The following ZNF487 variants were observed in gnomAD, a reference collection of about 807,000 sequenced individuals.
ZNF487 encodes the protein KRAB domain only 1.
In ZNF487, 4 loss-of-function variants were observed where a neutral mutation model predicts 3.0. The observed-to-expected ratio is 1.35, with a 90% CI of 0.66 to 3.08. The LOEUF is 3.08. ZNF487 is among the 30% of genes most tolerant of loss of function. ZNF487 has a pLI of 0.01. For missense variants in ZNF487, 146 were observed against 98.7 expected, an observed-to-expected ratio of 1.48 and a Z score of -2.03; for synonymous variants, 55 against 34.6, an observed-to-expected ratio of 1.59 and a Z score of -2.06.
chr10:43,487,929 C>CAAAAAAAAAAAAAAAAAAAAAAAA (rs76705594), downstream of ZNF487, among the ~76,000 whole-genome samples: 1 of 40,446 alleles, frequency 2.5e-5, no homozygotes, highest in African/African-American at 9.5e-5. Flanking sequence ...TACCAAAATA[C>CAAAAAAAAAAAAAAAAAAAAAAAA]AAAAAAAAAA....
intron 1 of ZNF487, among the ~76,000 whole-genome samples, chr10:43,472,423 A>G (rs1286105809): frequency 6.6e-6 from 1 of 152,108 alleles, no homozygotes; most frequent in Non-Finnish European, 1.5e-5. Context: ...TCTGGGGCAT[A>G]CATCCAGAAT....
chr10:43,521,114 A>C, the ZNF487 span, among the ~76,000 whole-genome samples: 1 of 152,182 alleles, frequency 6.6e-6, no homozygotes, highest in Non-Finnish European at 1.5e-5. Flanking sequence ...CATGGTATTC[A>C]TGTTCTGGAA....
the ZNF487 span, among the ~76,000 whole-genome samples, chr10:43,492,086 G>A: frequency 4.0e-5 from 6 of 151,558 alleles, no homozygotes; most frequent in Non-Finnish European, 2.9e-5. Context: ...CAGCCACCAC[G>A]CTGCCACATC....
At position 43,455,745 on chromosome 10, in the gene ZNF487, G is replaced by A. The variant is rs545963079; in HGVS notation, c.-94+18483G>A. On this transcript the variant is annotated intron_variant, in intron 1 of 3. Transcript: ENST00000437590. ...GGTCAAAGAGCACGCCGAGCCCGCC[G>A]GAGGGCGGGGCCGCGGCCTTGGCCC... Among the ~76,000 whole-genome samples the A allele has an allele frequency of 9.8e-5, 15 of 152,370 alleles. No homozygotes were observed. In the East Asian group the frequency reaches 2.5e-3, roughly 25 times the overall value.
chr10:43,495,730 A>G, the ZNF487 span, among the ~76,000 whole-genome samples: 1 of 152,184 alleles, frequency 6.6e-6, no homozygotes, highest in Non-Finnish European at 1.5e-5. Context: ...CTTTGAGAGC[A>G]GTGTTTTAAA....
chr10:43,447,061 C>T (rs1298203442), intron 1 of ZNF487, among the ~76,000 whole-genome samples: 3 of 151,266 alleles, frequency 2.0e-5, no homozygotes, highest in Non-Finnish European at 4.4e-5. Context: ...TGGCAGCGTG[C>T]CCCTACAATC....
chr10:43,514,862 T>A, the ZNF487 span, among the ~76,000 whole-genome samples: 2 of 152,134 alleles, frequency 1.3e-5, no homozygotes, highest in African/African-American at 4.8e-5. Context: ...TTCTGGGCCC[T>A]CCCAGCTGGG....
At chr10:43,453,415 T>C (rs1228122780) in intron 1 of ZNF487, 1 of 152,200 alleles carries the variant, frequency 6.6e-6, no homozygotes, top group Non-Finnish European at 1.5e-5. Flanking sequence ...AATAGTAAGT[T>C]ATCCTGGCAG....
the ZNF487 span, among the ~76,000 whole-genome samples, chr10:43,522,981 C>T: frequency 0.68 from 103,608 of 152,062 alleles, 35,665 homozygotes; most frequent in East Asian, 1. Flanking sequence ...ATACCATTTG[C>T]TGTATTTGTT....
chr10:43,489,525 T>C, the ZNF487 span, among the ~76,000 whole-genome samples: 2 of 152,110 alleles, frequency 1.3e-5, no homozygotes, highest in Non-Finnish European at 2.9e-5. Context: ...GGCTAATTTT[T>C]GTATTTTTAG....
intron 1 of ZNF487, among the ~76,000 whole-genome samples, chr10:43,468,024 TG>T (rs1358855861): frequency 1.8e-4 from 27 of 152,230 alleles, no homozygotes; most frequent in African/African-American, 6.3e-4. Flanking sequence ...CCAACCCTTA[TG>T]GATGACTTTG....
In ZNF487 at chr10:43,475,994, A is replaced by G. The variant is rs550109745; in HGVS notation, c.35-113A>G. On this transcript the variant is annotated intron_variant, in intron 2 of 3. Transcript: ENST00000437590. ...TGATCCCTTCTGGGCACTGTAAAGA[A>G]TATCTGTGGTGTTTTCTGTAATGAA... 30 of 668,612 alleles carry G rather than the reference A, an allele frequency of 4.5e-5. 1 individual carries two copies. In the South Asian group the frequency reaches 5.0e-4, roughly 11 times the overall value. 41.4% of individuals were successfully genotyped at this position (668,612 alleles called of 1,614,324 possible). A position where few individuals can be genotyped will look rare whatever the true frequency, so the allele number is the denominator to read the frequency against.
At chr10:43,463,728 T>TTG (rs1163933330) in intron 1 of ZNF487, among the ~76,000 whole-genome samples, 1 of 150,818 alleles carries the variant, frequency 6.6e-6, no homozygotes, top group Admixed American at 6.6e-5. Context: ...TTTTTTTTTT[T>TTG]AGCATGTGCT....
At chr10:43,453,864 A>G (rs1396900698) in intron 1 of ZNF487, 1 of 152,194 alleles carries the variant, frequency 6.6e-6, no homozygotes, top group Non-Finnish European at 1.5e-5. Flanking sequence ...AAATTCGTGC[A>G]TATCAGAACT....
chr10:43,480,933 T>C (rs1310025684), intron 3 of ZNF487, among the ~76,000 whole-genome samples: 2 of 152,124 alleles, frequency 1.3e-5, no homozygotes, highest in East Asian at 1.9e-4. Context: ...ATGAGTTAGA[T>C]GATGATATTC....
chr10:43,478,247 C>T (rs1240140036), intron 3 of ZNF487, among the ~76,000 whole-genome samples: 2 of 151,912 alleles, frequency 1.3e-5, no homozygotes, highest in Non-Finnish European at 2.9e-5. Flanking sequence ...CAATGAGGAC[C>T]CATCTGTACA....
chr10:43,516,591 A>G, the ZNF487 span, among the ~76,000 whole-genome samples: 3 of 152,180 alleles, frequency 2.0e-5, no homozygotes, highest in Non-Finnish European at 4.4e-5. Flanking sequence ...GCCAGTCCAA[A>G]TTGCAAAACT....
At chr10:43,520,125 A>T in the ZNF487 span, among the ~76,000 whole-genome samples, 1 of 152,168 alleles carries the variant, frequency 6.6e-6, no homozygotes, top group Non-Finnish European at 1.5e-5. Flanking sequence ...ACTGTATGTT[A>T]ATCTAATATT....
At chr10:43,456,827 C>T (rs1368465781) in intron 1 of ZNF487, among the ~76,000 whole-genome samples, 1 of 152,156 alleles carries the variant, frequency 6.6e-6, no homozygotes, top group Non-Finnish European at 1.5e-5. Context: ...GTGATCCGCG[C>T]GCCTCTGCCT....
Sources: allele counts gnomAD v4.1 joint callset (sites outside exome capture counted in the v4.1 genomes callset), GRCh38; gene constraint gnomAD v4.1.1; transcripts MANE v1.5; gene names NCBI Gene and HGNC (gene_info 2026-07-23, HGNC 2026-07-21).